The following NDST4 variants were observed in gnomAD, a reference collection of about 807,000 sequenced individuals.
The protein encoded by NDST4 is N-deacetylase and N-sulfotransferase 4.
Under a neutral mutation model 100.8 loss-of-function variants are expected in NDST4, and 63 were observed. The observed-to-expected ratio is 0.62, with a 90% CI of 0.51 to 0.77. The LOEUF (loss-of-function observed/expected upper bound fraction) is 0.77. Among genes scored for constraint, NDST4 ranks in the 30% least tolerant of loss-of-function variants. NDST4 has a pLI of 0.00. For synonymous variants in NDST4, 377 were observed against 361.8 expected (o/e 1.04, Z -0.48); for missense variants, 943 against 1,018.4 (o/e 0.93, Z 1.01).
intron 1 of NDST4, among the ~76,000 whole-genome samples, chr4:115,106,611 G>C (rs563935783): frequency 1.3e-5 from 2 of 152,088 alleles, no homozygotes; most frequent in Non-Finnish European, 2.9e-5. Context: ...TATTTAGAGA[G>C]TAATGACAGG....
intron 2 of NDST4, among the ~76,000 whole-genome samples, chr4:114,987,415 G>A (rs1726938081): frequency 1.3e-5 from 2 of 152,188 alleles, no homozygotes; most frequent in Admixed American, 1.3e-4. Flanking sequence ...GCATGTGGAA[G>A]CTCCAGAGCA....
At chr4:114,971,992 A>G (rs1287098051) in intron 3 of NDST4, among the ~76,000 whole-genome samples, 1 of 150,458 alleles carries the variant, frequency 6.6e-6, no homozygotes, top group Admixed American at 6.6e-5. Flanking sequence ...AAAGCACTTA[A>G]TATTGCTACT....
intron 10 of NDST4, 102 bp downstream of exon 10, chr4:114,845,721 C>T (rs1723533211): frequency 5.7e-6 from 6 of 1,056,174 alleles, no homozygotes; most frequent in Non-Finnish European, 1.3e-6. Flanking sequence ...GATATTCTTA[C>T]ATTTGACTTT....
intron 2 of NDST4, among the ~76,000 whole-genome samples, chr4:114,978,059 T>G (rs957587686): frequency 6.6e-6 from 1 of 152,058 alleles, no homozygotes; most frequent in Non-Finnish European, 1.5e-5. Context: ...ATTTGTAGCA[T>G]AATTCAGAAC....
At chr4:114,895,373 T>C (rs1189608008) in intron 6 of NDST4, among the ~76,000 whole-genome samples, 8 of 152,220 alleles carry the variant, frequency 5.3e-5, no homozygotes, top group Non-Finnish European at 1.0e-4. Context: ...GCAAATAAAC[T>C]AGAAAATCTA....
chr4:114,995,314 T>C (rs911817199), intron 2 of NDST4, among the ~76,000 whole-genome samples: 2 of 152,080 alleles, frequency 1.3e-5, no homozygotes, highest in Admixed American at 6.6e-5. Context: ...CTGATAATAT[T>C]CTTATTTGAA....
At chr4:114,916,833 C>A (rs894596509) in intron 6 of NDST4, among the ~76,000 whole-genome samples, 1 of 151,514 alleles carries the variant, frequency 6.6e-6, no homozygotes, top group Non-Finnish European at 1.5e-5. Flanking sequence ...GCAAATCTTA[C>A]GTAAATTTTC....
At chr4:115,016,928 C>CATAGCTGTTGTAGAAAA (rs1727691049) in intron 2 of NDST4, among the ~76,000 whole-genome samples, 1 of 151,778 alleles carries the variant, frequency 6.6e-6, no homozygotes, top group Non-Finnish European at 1.5e-5. Context: ...ACCATGTGAC[C>CATAGCTGTTGTAGAAAA]AGTTGTAGAA....
intron 7 of NDST4, among the ~76,000 whole-genome samples, chr4:114,856,113 A>G (rs926322998): frequency 4.6e-5 from 7 of 151,112 alleles, no homozygotes; most frequent in Non-Finnish European, 1.0e-4. Flanking sequence ...CCCAGGCTGG[A>G]GTGCAGTGGT....
intron 7 of NDST4, among the ~76,000 whole-genome samples, chr4:114,854,925 C>G (rs980244518): frequency 2.0e-5 from 3 of 152,214 alleles, no homozygotes; most frequent in Non-Finnish European, 4.4e-5. Flanking sequence ...CTTTTCTCTA[C>G]ATCTTAACTA....
chr4:114,987,132 G>A (rs1182630024), intron 2 of NDST4, among the ~76,000 whole-genome samples: 1 of 151,876 alleles, frequency 6.6e-6, no homozygotes, highest in Non-Finnish European at 1.5e-5. Context: ...ACTTAAAAAT[G>A]GCTTTAGGAA....
chr4:114,968,792 T>C (rs1726440204), intron 4 of NDST4, among the ~76,000 whole-genome samples: 1 of 152,216 alleles, frequency 6.6e-6, no homozygotes, highest in Non-Finnish European at 1.5e-5. Flanking sequence ...AAACAGCAAG[T>C]AGCACTCCAG....
chr4:115,022,945 C>T (rs1298634316), intron 2 of NDST4, among the ~76,000 whole-genome samples: 1 of 152,164 alleles, frequency 6.6e-6, no homozygotes, highest in Non-Finnish European at 1.5e-5. Flanking sequence ...TTATTTTTCT[C>T]CCCAGCTTCG....
chr4:115,086,591 T>C (rs934486780), intron 1 of NDST4, among the ~76,000 whole-genome samples: 5 of 152,084 alleles, frequency 3.3e-5, no homozygotes, highest in Admixed American at 1.3e-4. Context: ...CATAATATTA[T>C]ACTAGGTTCA....
At chr4:114,951,826 G>A (rs1337513489) in intron 4 of NDST4, among the ~76,000 whole-genome samples, 1 of 152,058 alleles carries the variant, frequency 6.6e-6, no homozygotes, top group Non-Finnish European at 1.5e-5. Flanking sequence ...CACACAGGGA[G>A]GAGCCTTTAT....
chr4:115,012,210 C>T (rs933515159), intron 2 of NDST4, among the ~76,000 whole-genome samples: 2 of 151,910 alleles, frequency 1.3e-5, no homozygotes, highest in African/African-American at 4.8e-5. Context: ...AATTTTATAA[C>T]CTAGATATCA....
chr4:114,936,270 A>G (rs756868980), intron 5 of NDST4, among the ~76,000 whole-genome samples: 22 of 152,142 alleles, frequency 1.4e-4, no homozygotes, highest in Non-Finnish European at 2.4e-4. Flanking sequence ...CAATGCCACT[A>G]TTTGCATTAT....
At chr4:114,880,207 C>G (rs115654369) in intron 6 of NDST4, among the ~76,000 whole-genome samples, 1,762 of 152,236 alleles carry the variant, frequency 0.012, 21 homozygotes, top group Middle Eastern at 0.034. Context: ...CACATGCTCA[C>G]AACCGTACAG....
intron 4 of NDST4, among the ~76,000 whole-genome samples, chr4:114,947,816 G>T (rs1725899392): frequency 6.6e-6 from 1 of 151,960 alleles, no homozygotes; most frequent in African/African-American, 2.4e-5. Context: ...ATATTTATGT[G>T]CAGCACACAA....
Sources: allele counts gnomAD v4.1 joint callset (sites outside exome capture counted in the v4.1 genomes callset), GRCh38; gene constraint gnomAD v4.1.1; transcripts MANE v1.5; gene names NCBI Gene and HGNC (gene_info 2026-07-23, HGNC 2026-07-21).